Variants in OSBPL8 observed in about 807,000 individuals in gnomAD.
OSBPL8 encodes oxysterol binding protein like 8.
A neutral mutation model predicts 125.5 loss-of-function variants in OSBPL8; 59 were observed. That is an observed-to-expected ratio of 0.47 (90% confidence interval 0.38 to 0.58). OSBPL8 has a LOEUF of 0.58. OSBPL8 is among the 20% of genes least tolerant of loss of function. The pLI is 0.00. For synonymous variants in OSBPL8, 330 were observed against 338.9 expected, an observed-to-expected ratio of 0.97 and a Z score of 0.29; for missense variants, 758 against 1,047.8, an observed-to-expected ratio of 0.72 and a Z score of 3.82.
At chr12:76,518,466 C>CCATT (rs1881764886) in intron 1 of OSBPL8, among the ~76,000 whole-genome samples, 1 of 152,164 alleles carries the variant, frequency 6.6e-6, no homozygotes, top group African/African-American at 2.4e-5. Context: ...AGTAGATCTA[C>CCATT]CATTCTGGGG....
chr12:76,541,970 G>A lies in OSBPL8; in HGVS notation c.-68+17427C>T, dbSNP rs190936673. Among the ~76,000 whole-genome samples the A allele has an allele frequency of 8.6e-5, 13 of 151,716 alleles. No homozygotes were observed. The East Asian group carries it at 2.0e-3, about 23-fold the overall frequency. ...GAGGATCACCTGAGGTTGGGAGTTC[G>A]AGACCCACCTGGCCAACCTGGAGAA... is the stretch of plus-strand genomic sequence containing the variant. On this transcript the variant is annotated intron_variant, in intron 1 of 23. Transcript: ENST00000261183.
chr12:76,508,776 G>A (rs373520814), intron 1 of OSBPL8, among the ~76,000 whole-genome samples: 1 of 152,062 alleles, frequency 6.6e-6, no homozygotes, highest in Non-Finnish European at 1.5e-5. Context: ...CAAATGCCAC[G>A]GCAACATCAG....
intron 5 of OSBPL8, among the ~76,000 whole-genome samples, chr12:76,408,338 T>C (rs912934528): frequency 2.0e-5 from 3 of 150,866 alleles, no homozygotes; most frequent in Non-Finnish European, 4.4e-5. Flanking sequence ...GGCGGGCGCC[T>C]GTAGTCCCAG....
At chr12:76,445,044 C>T (rs910982257) in intron 4 of OSBPL8, among the ~76,000 whole-genome samples, 4 of 152,094 alleles carry the variant, frequency 2.6e-5, no homozygotes, top group African/African-American at 7.2e-5. Context: ...GTAATACACA[C>T]CTATAAGAAC....
intron 2 of OSBPL8, among the ~76,000 whole-genome samples, chr12:76,467,192 C>G (rs1307494745): frequency 6.6e-6 from 1 of 152,066 alleles, no homozygotes. Context: ...GCTCTGGCTT[C>G]CCTTCTATTT....
intron 4 of OSBPL8, among the ~76,000 whole-genome samples, chr12:76,440,098 A>G (rs1871994567): frequency 6.6e-6 from 1 of 152,028 alleles, no homozygotes; most frequent in Non-Finnish European, 1.5e-5. Flanking sequence ...CCTGCTTGGG[A>G]ATTGTGGGGC....
rs780058499 is a variant in OSBPL8, at chr12:76,355,980, G to A, written c.2579C>T (p.Pro860Leu). Residue 860 changes from proline (P) to leucine (L), a missense_variant, in exon 24 of 24, where the codon CCG becomes CTG. This residue lies in a region of OSBPL8 where 572 missense variants were observed against 762.0 expected (regional missense o/e 0.75). Transcript: ENST00000261183. ...ALRNHLVSST[P>L]ATDYFLQQKD... is the part of the protein sequence containing the mutation. ...TTGTTGCAGAAAATAATCCGTGGCCGGTGTGCTTGAAACTAAATGATTTCG... is the reference window on the plus strand; with the variant it reads ...TTGTTGCAGAAAATAATCCGTGGCCAGTGTGCTTGAAACTAAATGATTTCG... 12 of 1,612,746 alleles carry A rather than the reference G, an allele frequency of 7.4e-6. No homozygotes were observed. The highest frequency in any genetic ancestry group is 1.7e-5 in the Admixed American group (1 of 59,884).
rs541660008 is a variant in OSBPL8, at chr12:76,548,173, T to TA, written c.-68+11223dup. ...ACTCCACTGAAATAAAAACAACTCA[T>TA]AAAAGAAAGAAAATCGTAACAGTAA... is the stretch of plus-strand genomic sequence containing the variant. On this transcript the variant is annotated intron_variant, in intron 1 of 23. Transcript: ENST00000261183. Among the ~76,000 whole-genome samples the TA allele has an allele frequency of 2.0e-3, 296 of 151,754 alleles. 1 individual carries two copies. The highest frequency in any genetic ancestry group is 6.8e-3 in the African/African-American group (281 of 41,368).
In OSBPL8 at chr12:76,354,568, G is replaced by T. The variant is rs1324490956; in HGVS notation, c.*1321C>A. The T allele has an allele frequency of 6.6e-6, 1 of 151,600 alleles. No individual in the cohort carries two copies. Among genetic ancestry groups the T allele is most frequent in the Non-Finnish European group, 1.5e-5 (1 of 67,792 alleles). The allele number at this position is 151,600 out of a possible 1,614,324, so 9.4% of individuals were successfully genotyped here. ...AACATTTCAAAATCTATGCTTTCAG[G>T]ATTCTAAGACATATTTTAGAACAAC... On this transcript the variant is annotated 3_prime_UTR_variant, in exon 24 of 24. Coordinates refer to ENST00000261183, the MANE Select transcript of OSBPL8 (RefSeq NM_020841.5).
chr12:76,454,892 GA>G (rs1172013352), intron 3 of OSBPL8, among the ~76,000 whole-genome samples: 2 of 151,840 alleles, frequency 1.3e-5, no homozygotes, highest in Non-Finnish European at 2.9e-5. Flanking sequence ...ATAATAAAAA[GA>G]AAAAAATACA....
At chr12:76,498,297 T>C (rs988853361) in intron 1 of OSBPL8, among the ~76,000 whole-genome samples, 6 of 152,216 alleles carry the variant, frequency 3.9e-5, no homozygotes, top group African/African-American at 9.7e-5. Flanking sequence ...CTGATTCTGG[T>C]CCTTTTTCTA....
At chr12:76,435,056 A>G (rs983061550) in intron 4 of OSBPL8, among the ~76,000 whole-genome samples, 2 of 152,178 alleles carry the variant, frequency 1.3e-5, no homozygotes, top group African/African-American at 4.8e-5. Flanking sequence ...CTGTACTCCC[A>G]TGCTCACTAT....
At chr12:76,397,647 T>C (rs374651709) in intron 8 of OSBPL8, 47 bp downstream of exon 8, 28 of 1,546,052 alleles carry the variant, frequency 1.8e-5, no homozygotes, top group Non-Finnish European at 1.7e-5. Flanking sequence ...GTTCTATTCA[T>C]GGATTATCAT....
chr12:76,519,440 C>T (rs892789161), intron 1 of OSBPL8, among the ~76,000 whole-genome samples: 1 of 152,152 alleles, frequency 6.6e-6, no homozygotes, highest in Non-Finnish European at 1.5e-5. Context: ...TTTCCCCCGT[C>T]TTCCTGTCTT....
At chr12:76,499,346 C>CTATA (rs1565947303) in intron 1 of OSBPL8, among the ~76,000 whole-genome samples, 1 of 119,652 alleles carries the variant, frequency 8.4e-6, no homozygotes, top group Non-Finnish European at 1.9e-5. Context: ...ATCTATCTAT[C>CTATA]TATCATCTAT....
intron 21 of OSBPL8, among the ~76,000 whole-genome samples, chr12:76,367,041 G>A (rs772722785): frequency 4.6e-5 from 7 of 152,168 alleles, no homozygotes; most frequent in Non-Finnish European, 1.0e-4. Context: ...ATTGTTCTAT[G>A]TGTCTGCTAG....
intron 1 of OSBPL8, among the ~76,000 whole-genome samples, chr12:76,530,637 C>T (rs141128557): frequency 1.3e-5 from 2 of 152,166 alleles, no homozygotes; most frequent in Non-Finnish European, 2.9e-5. Flanking sequence ...CAAATAGAAG[C>T]GCTCCATAAG....
intron 4 of OSBPL8, among the ~76,000 whole-genome samples, chr12:76,446,157 A>G (rs1305555384): frequency 6.6e-6 from 1 of 152,218 alleles, no homozygotes; most frequent in Non-Finnish European, 1.5e-5. Context: ...GGACCTTTAA[A>G]TGTTATGCAC....
At chr12:76,538,465 A>T (rs1440525579) in intron 1 of OSBPL8, among the ~76,000 whole-genome samples, 1 of 152,232 alleles carries the variant, frequency 6.6e-6, no homozygotes, top group Non-Finnish European at 1.5e-5. Flanking sequence ...AGATTTTAGG[A>T]ATGTGACACA....
Sources: allele counts gnomAD v4.1 joint callset (sites outside exome capture counted in the v4.1 genomes callset), GRCh38; gene constraint gnomAD v4.1.1; regional missense constraint gnomAD v4.1.1; transcripts MANE v1.5; gene names NCBI Gene and HGNC (gene_info 2026-07-23, HGNC 2026-07-21).